SV2B: variants seen among roughly 807,000 people sequenced by gnomAD.
SV2B encodes the protein solute carrier family 22 member B2.
Under a neutral mutation model 73.9 loss-of-function variants are expected in SV2B, and 41 were observed. The ratio of observed to expected loss-of-function variants is 0.56; its 90% CI spans 0.43 to 0.72. SV2B has a LOEUF of 0.72. Ranked by LOEUF, SV2B falls within the 30% of genes least tolerant of loss-of-function variation. The pLI, the probability that SV2B is intolerant of heterozygous loss-of-function variation, is 0.00. For synonymous variants in SV2B, 314 were observed against 314.2 expected, an observed-to-expected ratio of 1.00 and a Z score of 0.01; for missense variants, 764 against 857.8, an observed-to-expected ratio of 0.89 and a Z score of 1.37.
Position 91,118,941 on chromosome 15 carries a change from C to T in SV2B, c.-392+18578C>T, listed in dbSNP as rs532852887. ...TTATATACTGGTGAATGAGCTGTCT[C>T]GGCTTGGAGGCAGGGCCTGTGGGGG... is the stretch of plus-strand genomic sequence containing the variant. On this transcript the variant is annotated intron_variant, in intron 1 of 12. Transcript: ENST00000394232. This position sits in a 1 kb window ranked among gnomAD's most constrained non-coding sequence, Gnocchi z 4.7. 2.9e-4 allele frequency among the ~76,000 whole-genome samples: 44 copies of T among 152,310 alleles called. No homozygotes were observed. The highest frequency in any genetic ancestry group is 6.7e-4 in the African/African-American group (28 of 41,570).
At chr15:91,291,277 A>G (rs2049030913) in intron 12 of SV2B, among the ~76,000 whole-genome samples, 1 of 151,954 alleles carries the variant, frequency 6.6e-6, no homozygotes, top group Non-Finnish European at 1.5e-5. Flanking sequence ...TTAAAAAAGG[A>G]CATATGTTAA....
chr15:91,184,482 T>C (rs945579986), intron 1 of SV2B, among the ~76,000 whole-genome samples: 3 of 152,218 alleles, frequency 2.0e-5, no homozygotes, highest in Non-Finnish European at 2.9e-5. Flanking sequence ...AAAATTGGGC[T>C]TTGGTTAATG....
intron 1 of SV2B, among the ~76,000 whole-genome samples, chr15:91,199,266 C>T (rs1014293660): frequency 5.9e-5 from 9 of 152,136 alleles, no homozygotes; most frequent in African/African-American, 1.7e-4. Flanking sequence ...TGACTGTACC[C>T]GTCACTCTCT....
rs1336746762 is a variant in SV2B at position 91,141,995 on chromosome 15, C to T, written c.-392+41632C>T. ...CAGGGAGGCAGAGAGGTAAGATACA[C>T]GGCTTTGCAGGAACTCATTTCAGCC... On this transcript the variant is annotated intron_variant, in intron 1 of 12. Coordinates refer to ENST00000394232, the MANE Select transcript of SV2B (RefSeq NM_001323032.3). The surrounding 1 kb of genome is among the most constrained non-coding windows in gnomAD (Gnocchi z 4.6). 2.6e-5 allele frequency among the ~76,000 whole-genome samples: 4 copies of T among 152,102 alleles called. No homozygotes were observed. Among genetic ancestry groups the T allele is most frequent in the South Asian group, 2.1e-4 (1 of 4,824 alleles).
intron 1 of SV2B, among the ~76,000 whole-genome samples, chr15:91,166,150 T>A (rs1314596252): frequency 2.0e-5 from 3 of 152,178 alleles, no homozygotes; most frequent in African/African-American, 4.8e-5. Context: ...TTAGATATTC[T>A]TTGTTGTGAG....
Position 91,284,328 on chromosome 15 carries a change from C to A in SV2B, c.1708+107C>A. ...CTTTTATTAAATAATTCTTGCACAA[C>A]AAACCCAACAAGTAAGATTGCACCC... On this transcript the variant is annotated intron_variant, in intron 11 of 12. Transcript: ENST00000394232. This position sits in a 1 kb window ranked among gnomAD's most constrained non-coding sequence, Gnocchi z 4.5. 1 of 1,242,326 alleles carries A rather than the reference C, an allele frequency of 8.0e-7. No individual in the cohort carries two copies. Among genetic ancestry groups the A allele is most frequent in the South Asian group, 1.4e-5 (1 of 70,514 alleles). 77.0% of individuals were successfully genotyped at this position (1,242,326 alleles called of 1,614,324 possible). A position where few individuals can be genotyped will look rare whatever the true frequency, so the allele number is the denominator to read the frequency against.
At position 91,260,428 on chromosome 15, in the gene SV2B, G is replaced by T. The variant is rs2047868844; in HGVS notation, c.1008+19G>T. The T allele has an allele frequency of 1.3e-6, 2 of 1,579,926 alleles. No individual in the cohort carries two copies. Among genetic ancestry groups the T allele is most frequent in the Non-Finnish European group, 1.7e-6 (2 of 1,165,182 alleles). On this transcript the variant is annotated intron_variant, in intron 6 of 12. Coordinates refer to ENST00000394232, the MANE Select transcript of SV2B (RefSeq NM_001323032.3). ...GTTCACGGTGAGTGTGGGGTTGCCT[G>T]CCAATAAGAAGGGGGTTCTCCTCTT...
rs1404284158 is a variant in SV2B at position 91,124,221 on chromosome 15, C to CTAGA, written c.-392+23859_-392+23860insAGAT. ...TGAATGTTCCAGCCTCAGGGCCCAT[C>CTAGA]TGTTCATGCTATTTATTCCCTCGGG... is the stretch of plus-strand genomic sequence containing the variant. On this transcript the variant is annotated intron_variant, in intron 1 of 12. Coordinates refer to ENST00000394232, the MANE Select transcript of SV2B (RefSeq NM_001323032.3). This position sits in a 1 kb window ranked among gnomAD's most constrained non-coding sequence, Gnocchi z 4.6. Among the ~76,000 whole-genome samples the CTAGA allele has an allele frequency of 6.6e-6, 1 of 152,206 alleles. No homozygotes were observed. Among genetic ancestry groups the CTAGA allele is most frequent in the African/African-American group, 2.4e-5 (1 of 41,442 alleles).
At chr15:91,150,299 G>T (rs1044456010) in intron 1 of SV2B, among the ~76,000 whole-genome samples, 1 of 152,056 alleles carries the variant, frequency 6.6e-6, no homozygotes, top group African/African-American at 2.4e-5. Context: ...GAGCCACCAC[G>T]CCCGGCTTCT....
rs1008210217 is a variant in SV2B at position 91,239,314 on chromosome 15, T to A, written c.452-12505T>A. ...CAGAAAATAGTCCAAAGAAGTTTTGTCCTTGCCTTGTCCTCTCTGCCTCAC... is the reference window on the plus strand; with the variant it reads ...CAGAAAATAGTCCAAAGAAGTTTTGACCTTGCCTTGTCCTCTCTGCCTCAC... On this transcript the variant is annotated intron_variant, in intron 2 of 12. Coordinates refer to ENST00000394232, the MANE Select transcript of SV2B (RefSeq NM_001323032.3). This position sits in a 1 kb window ranked among gnomAD's most constrained non-coding sequence, Gnocchi z 5.1. 6.6e-6 allele frequency among the ~76,000 whole-genome samples: 1 copy of A among 151,918 alleles called. No individual in the cohort carries two copies. Among genetic ancestry groups the A allele is most frequent in the Non-Finnish European group, 1.5e-5 (1 of 67,978 alleles).
At chr15:91,221,963 C>T (rs1043044904) in intron 1 of SV2B, among the ~76,000 whole-genome samples, 42 of 152,284 alleles carry the variant, frequency 2.8e-4, no homozygotes, top group African/African-American at 9.6e-4. Context: ...TAACCTCCCA[C>T]TCTTGGATCA....
At chr15:91,216,227 A>C (rs1272834898) in intron 1 of SV2B, among the ~76,000 whole-genome samples, 1 of 152,200 alleles carries the variant, frequency 6.6e-6, no homozygotes, top group Non-Finnish European at 1.5e-5. Flanking sequence ...TCTACCCCAG[A>C]AACATCAAGC....
rs1160879634 is a variant in SV2B at position 91,299,362 on chromosome 15, C to T, written c.*6810C>T. The T allele has an allele frequency of 1.3e-5, 2 of 152,114 alleles. No individual in the cohort carries two copies. The highest frequency in any genetic ancestry group is 4.8e-5 in the African/African-American group (2 of 41,420). The allele number at this position is 152,114 out of a possible 1,614,324, so 9.4% of individuals were successfully genotyped here. The stretch of plus-strand genomic sequence containing the variant: ...ACCCAAAATACTAAAAGTGACAAAA[C>T]AATACTTCTTTAAAAATGTATTTTA... On this transcript the variant is annotated 3_prime_UTR_variant, in exon 13 of 13. Coordinates refer to ENST00000394232, the MANE Select transcript of SV2B (RefSeq NM_001323032.3).
At position 91,141,369 on chromosome 15, in the gene SV2B, G is replaced by C. The variant is rs1200321680; in HGVS notation, c.-392+41006G>C. 6.6e-6 allele frequency among the ~76,000 whole-genome samples: 1 copy of C among 152,196 alleles called. No homozygotes were observed. The highest frequency in any genetic ancestry group is 1.5e-5 in the Non-Finnish European group (1 of 68,024). On this transcript the variant is annotated intron_variant, in intron 1 of 12. Coordinates refer to ENST00000394232, the MANE Select transcript of SV2B (RefSeq NM_001323032.3). The surrounding 1 kb of genome is among the most constrained non-coding windows in gnomAD (Gnocchi z 4.6). ...ACAGGGCCTTGCTCTTCTTCAGGAA[G>C]ACTTGGAGTTTTCAGGAGCATCTTA...
At position 91,267,173 on chromosome 15, in the gene SV2B, G is replaced by A. The variant is rs1403955240; in HGVS notation, c.1120-382G>A. 6.6e-6 allele frequency among the ~76,000 whole-genome samples: 1 copy of A among 152,226 alleles called. No individual in the cohort carries two copies. The highest frequency in any genetic ancestry group is 1.5e-5 in the Non-Finnish European group (1 of 68,046). ...GCAGCCAGACAGCCAGCGTCTATTG[G>A]GACTGGTTGGCCTTCATGGTGTATG... On this transcript the variant is annotated intron_variant, in intron 7 of 12. Transcript: ENST00000394232. This position sits in a 1 kb window ranked among gnomAD's most constrained non-coding sequence, Gnocchi z 4.3.
chr15:91,221,234 C>A (rs1351344756), intron 1 of SV2B, among the ~76,000 whole-genome samples: 1 of 152,172 alleles, frequency 6.6e-6, no homozygotes, highest in Non-Finnish European at 1.5e-5. Context: ...CTGTACCAGA[C>A]ACTGTGCTGA....
In SV2B at chr15:91,283,976, G is replaced by A; in HGVS notation, c.1508-45G>A. 2 of 1,601,650 alleles carry A rather than the reference G, an allele frequency of 1.2e-6. No homozygotes were observed. The highest frequency in any genetic ancestry group is 8.5e-7 in the Non-Finnish European group (1 of 1,169,702). On this transcript the variant is annotated intron_variant, in intron 10 of 12. Transcript: ENST00000394232. The surrounding 1 kb of genome is among the most constrained non-coding windows in gnomAD (Gnocchi z 4.3). ...CCCTGCCTCTGCCTTTCTCTCTCCA[G>A]CTCCCTTCCACTTACATGAACCGAA...
chr15:91,222,151 A>G (rs1048365728), intron 1 of SV2B, among the ~76,000 whole-genome samples: 2 of 152,130 alleles, frequency 1.3e-5, no homozygotes, highest in African/African-American at 2.4e-5. Flanking sequence ...ATTTCAGCAG[A>G]TCCCAGCCCC....
chr15:91,241,247 TCA>T lies in SV2B; in HGVS notation c.452-10569_452-10568del, dbSNP rs1305525617. Among the ~76,000 whole-genome samples the T allele has an allele frequency of 2.0e-5, 3 of 151,988 alleles. No individual in the cohort carries two copies. The highest frequency in any genetic ancestry group is 2.9e-5 in the Non-Finnish European group (2 of 67,986). ...CTGAGCTTAATGTCCATGTCCATAATCACAGTCACTTTCTGTGCGCATCACCA... is the reference window on the plus strand; with the variant it reads ...CTGAGCTTAATGTCCATGTCCATAATCAGTCACTTTCTGTGCGCATCACCA... On this transcript the variant is annotated intron_variant, in intron 2 of 12. Transcript: ENST00000394232. This position sits in a 1 kb window ranked among gnomAD's most constrained non-coding sequence, Gnocchi z 4.8.
Sources: allele counts gnomAD v4.1 joint callset (sites outside exome capture counted in the v4.1 genomes callset), GRCh38; gene constraint gnomAD v4.1.1; non-coding constraint Gnocchi (gnomAD v3.1); transcripts MANE v1.5; gene names NCBI Gene and HGNC (gene_info 2026-07-23, HGNC 2026-07-21).